The following ROPN1B variants were observed in gnomAD, a reference collection of about 807,000 sequenced individuals.
ROPN1B encodes the protein rhophilin associated tail protein 1B.
ROPN1B carries 13 observed loss-of-function variants against 23.7 expected under a neutral mutation model. The observed-to-expected ratio is 0.55, with a 90% confidence interval of 0.36 to 0.87. ROPN1B has a LOEUF of 0.87. Ranked by LOEUF, ROPN1B falls within the 40% of genes least tolerant of loss-of-function variation. The pLI is 0.01. For missense variants in ROPN1B, 183 were observed against 249.2 expected (o/e 0.73, Z 1.79); for synonymous variants, 67 against 100.4 (o/e 0.67, Z 1.99).
At chr3:125,974,305 A>T (rs13070986) in intron 3 of ROPN1B, among the ~76,000 whole-genome samples, 10,508 of 152,166 alleles carry the variant, frequency 0.069, 388 homozygotes, top group Admixed American at 0.079. Context: ...AGATTTCTCA[A>T]GCACATTGTT....
At chr3:125,982,180 A>G in intron 5 of ROPN1B, 90 bp from the exon 6 acceptor site, 1 of 1,092,270 alleles carries the variant, frequency 9.2e-7, no homozygotes, top group Non-Finnish European at 1.3e-6. Context: ...TATAAGAGCA[A>G]TATTTTTGTT....
intron 5 of ROPN1B, among the ~76,000 whole-genome samples, chr3:125,981,027 C>T (rs1938594821): frequency 6.6e-6 from 1 of 150,596 alleles, no homozygotes; most frequent in Admixed American, 6.6e-5. Flanking sequence ...CTGCCTCAAA[C>T]TCATTTTTTT....
intron 5 of ROPN1B, among the ~76,000 whole-genome samples, chr3:125,980,215 G>C (rs937531428): frequency 1.2e-4 from 18 of 152,156 alleles, no homozygotes; most frequent in African/African-American, 4.1e-4. Context: ...CTCTAGTACA[G>C]TTATTTATCC....
intron 3 of ROPN1B, chr3:125,973,298 G>A (rs7623293): frequency 0.64 from 213,866 of 334,604 alleles, 70,416 homozygotes; most frequent in African/African-American, 0.89. Context: ...GGAGTCTCTG[G>A]GCCAGTGTTG....
intron 3 of ROPN1B, among the ~76,000 whole-genome samples, chr3:125,974,887 T>C (rs1938348833): frequency 6.6e-6 from 1 of 152,154 alleles, no homozygotes; most frequent in Non-Finnish European, 1.5e-5. Context: ...GCCAACCCTC[T>C]CTCCCTTCCC....
intron 3 of ROPN1B, chr3:125,973,733 A>T (rs1938299138): frequency 6.5e-6 from 1 of 152,728 alleles, no homozygotes; most frequent in Non-Finnish European, 1.5e-5. Flanking sequence ...GGAGGGCATG[A>T]CCTAAGAGCC....
At chr3:125,973,908 G>A (rs1165867951) in intron 3 of ROPN1B, 1 of 153,714 alleles carries the variant, frequency 6.5e-6, no homozygotes, top group Non-Finnish European at 1.5e-5. Context: ...TGTTGTCAAT[G>A]AAGAAACCTC....
At chr3:125,978,669 G>T (rs376134703) in intron 5 of ROPN1B, among the ~76,000 whole-genome samples, 1 of 152,088 alleles carries the variant, frequency 6.6e-6, no homozygotes, top group South Asian at 2.1e-4. Context: ...TTTTGGTCTC[G>T]TCTCTCCCAG....
chr3:125,982,397 T>C lies in ROPN1B; in HGVS notation c.524T>C (p.Ile175Thr). Residue 175 changes from isoleucine to threonine, a missense_variant, in exon 6 of 7, where the codon ATC becomes ACC. Ile to Thr is a moderately conservative substitution (Grantham distance 89). Transcript: ENST00000514116. ...TATATTGCCGAAGTGGATGGGGAGA[T>C]CTGTGCATCACATGTCAGCAGGATG... is the stretch of plus-strand genomic sequence containing the variant. Reference protein sequence around the residue: ...YTYIAEVDGEICASHVSRMLN... With the variant: ...YTYIAEVDGETCASHVSRMLN... 6.2e-7 allele frequency: 1 copy of C among 1,613,130 alleles called. No individual in the cohort carries two copies. Among genetic ancestry groups the C allele is most frequent in the Non-Finnish European group, 8.5e-7 (1 of 1,179,766 alleles).
At chr3:125,975,328 T>A (rs1938365959) in intron 3 of ROPN1B, among the ~76,000 whole-genome samples, 1 of 152,238 alleles carries the variant, frequency 6.6e-6, no homozygotes, top group Admixed American at 6.5e-5. Flanking sequence ...TTCCTCATCC[T>A]TAGAGAAGAA....
chr3:125,980,967 G>A (rs887177514), intron 5 of ROPN1B, among the ~76,000 whole-genome samples: 11 of 152,202 alleles, frequency 7.2e-5, no homozygotes, highest in South Asian at 4.2e-4. Context: ...GTTTCACAAT[G>A]ATTTCCATGA....
In ROPN1B at chr3:125,983,445, A is replaced by C; in HGVS notation, c.*125A>C. 1 of 688,290 alleles carries C rather than the reference A, an allele frequency of 1.5e-6. No homozygotes were observed. Among genetic ancestry groups the C allele is most frequent in the South Asian group, 1.7e-5 (1 of 57,924 alleles). The allele number at this position is 688,290 out of a possible 1,614,324, so 42.6% of individuals were successfully genotyped here. ...GTACACACTAATAAACAAACATGTG[A>C]GATCAGAAATGTGCGGAATTAAGAT... On this transcript the variant is annotated 3_prime_UTR_variant, in exon 7 of 7. Transcript: ENST00000514116.
chr3:125,972,034 TGAG>T lies in ROPN1B; in HGVS notation c.-12-8_-12-6del, dbSNP rs759163496. On this transcript the variant is annotated splice_polypyrimidine_tract_variant and splice_region_variant and intron_variant, in intron 2 of 6. Coordinates refer to ENST00000514116, the MANE Select transcript of ROPN1B (RefSeq NM_001308313.2). The stretch of plus-strand genomic sequence containing the variant: ...TTTTCATCTTATGTATTTTTTCTCC[TGAG>T]AATAGGTCAACCAATCAATGGCTCA... The T allele has an allele frequency of 1.1e-5, 17 of 1,611,690 alleles. No homozygotes were observed. In the South Asian group the frequency reaches 1.9e-4, roughly 18 times the overall value.
intron 2 of ROPN1B, 40 bp from the exon 3 acceptor site, chr3:125,972,003 T>G (rs1580339501): frequency 6.3e-7 from 1 of 1,586,990 alleles, no homozygotes; most frequent in Non-Finnish European, 8.6e-7. Flanking sequence ...ATCTTATGAG[T>G]CCAAGTTTTC....
Position 125,983,295 on chromosome 3 carries a change from A to C in ROPN1B, c.614A>C (p.Gln205Pro), listed in dbSNP as rs533601962. Residue 205 changes from glutamine to proline, a missense_variant, in exon 7 of 7, where the codon CAA becomes CCA. By Grantham distance (76) the Gln-to-Pro change is moderately conservative. Transcript: ENST00000514116. ...TTAATCACGGTGAATGACTTTACCC[A>C]AAACCCCAGGGTTTGGCTGGAGTAA... ...DGLITVNDFTQNPRVWLE is the reference protein window; with the variant it reads ...DGLITVNDFTPNPRVWLE 41 of 1,613,360 alleles carry C rather than the reference A, an allele frequency of 2.5e-5. No homozygotes were observed. In the South Asian group the frequency reaches 4.3e-4, roughly 17 times the overall value.
rs558516607 is a variant in ROPN1B, at chr3:125,976,907, G to A, written c.235-97G>A. The A allele has an allele frequency of 7.8e-4, 558 of 710,848 alleles. 1 individual carries two copies. The East Asian group carries it at 0.014, about 18-fold the overall frequency. The allele number at this position is 710,848 out of a possible 1,614,324, so 44.0% of individuals were successfully genotyped here. Reference sequence around the variant, plus strand: ...CCCCTCCCGCCCCTTGCCATGTGCTGGGAGATGTGGACCTGGCCTGGGGAC... The same window carrying A: ...CCCCTCCCGCCCCTTGCCATGTGCTAGGAGATGTGGACCTGGCCTGGGGAC... On this transcript the variant is annotated intron_variant, in intron 4 of 6. Transcript: ENST00000514116.
chr3:125,975,636 T>C lies in ROPN1B; in HGVS notation c.190T>C (p.Trp64Arg), dbSNP rs200870712. ...GTCTGAGCGAGTCGCTTTGTGTAAC[T>C]GGGCAGAGCTAACACCTGAGCTGTT... ...ERSERVALCN[W>R]AELTPELLKI... Residue 64 changes from tryptophan (W) to arginine (R), a missense_variant, in exon 4 of 7, where the codon TGG becomes CGG. Trp to Arg is a moderately radical substitution (Grantham distance 101, BLOSUM62 -3). This residue lies in a region of ROPN1B where 97 missense variants were observed against 99.6 expected (regional missense o/e 0.97). Transcript: ENST00000514116. The C allele has an allele frequency of 1.3e-4, 204 of 1,592,174 alleles. No homozygotes were observed. Among genetic ancestry groups the C allele is most frequent in the African/African-American group, 4.7e-4 (35 of 74,048 alleles).
intron 6 of ROPN1B, among the ~76,000 whole-genome samples, chr3:125,983,019 C>A (rs906192284): frequency 6.6e-6 from 1 of 152,092 alleles, no homozygotes; most frequent in Admixed American, 6.6e-5. Context: ...TGGTGTGTGT[C>A]TGTATCAGTT....
chr3:125,979,467 T>A (rs1257185270), intron 5 of ROPN1B, among the ~76,000 whole-genome samples: 1 of 152,104 alleles, frequency 6.6e-6, no homozygotes, highest in Admixed American at 6.5e-5. Context: ...AGTGCCCTTA[T>A]AAAAGTTGCC....
Sources: allele counts gnomAD v4.1 joint callset (sites outside exome capture counted in the v4.1 genomes callset), GRCh38; gene constraint gnomAD v4.1.1; regional missense constraint gnomAD v4.1.1; transcripts MANE v1.5; gene names NCBI Gene and HGNC (gene_info 2026-07-23, HGNC 2026-07-21).